Variants in TRHDE observed in about 807,000 individuals in gnomAD.
TRHDE encodes the protein thyrotropin-releasing hormone-degrading ectoenzyme.
TRHDE carries 72 observed loss-of-function variants against 125.7 expected under a neutral mutation model. That is an observed-to-expected ratio of 0.57 (90% CI 0.47 to 0.70). The LOEUF (loss-of-function observed/expected upper bound fraction) is 0.70. TRHDE is among the 30% of genes least tolerant of loss of function. The probability of loss-of-function intolerance (pLI) is 0.00; values close to 1 mark genes in which losing one functional copy is unlikely to be tolerated. For missense variants in TRHDE, 1,110 were observed against 1,327.1 expected (o/e 0.84, Z 2.54); for synonymous variants, 509 against 509.1 (o/e 1.00, Z 0.00).
intron 2 of TRHDE, among the ~76,000 whole-genome samples, chr12:72,161,473 G>A (rs1286453769): frequency 6.6e-6 from 1 of 151,964 alleles, no homozygotes; most frequent in Non-Finnish European, 1.5e-5. Flanking sequence ...TCCAAATTTG[G>A]AAGAATATCT....
chr12:72,498,620 G>T (rs1878016261), intron 5 of TRHDE, among the ~76,000 whole-genome samples: 1 of 152,116 alleles, frequency 6.6e-6, no homozygotes, highest in Non-Finnish European at 1.5e-5. Context: ...CTAGCTGCCA[G>T]CATTTCTATT....
intron 12 of TRHDE, among the ~76,000 whole-genome samples, chr12:72,595,737 G>A (rs1871911265): frequency 6.6e-6 from 1 of 152,060 alleles, no homozygotes; most frequent in South Asian, 2.1e-4. Context: ...TCTCCAAAAT[G>A]TGGATAAGAC....
intron 2 of TRHDE, among the ~76,000 whole-genome samples, chr12:72,369,749 T>C (rs1278694233): frequency 6.6e-6 from 1 of 152,080 alleles, no homozygotes; most frequent in African/African-American, 2.4e-5. Flanking sequence ...CCGGACTAAA[T>C]GTTTATAGAG....
At chr12:72,607,607 C>T (rs1872501048) in intron 12 of TRHDE, among the ~76,000 whole-genome samples, 1 of 152,000 alleles carries the variant, frequency 6.6e-6, no homozygotes. Context: ...TCCATAGTGA[C>T]CAATTATTTT....
At chr12:72,194,729 A>G (rs1877405343) in intron 2 of TRHDE, among the ~76,000 whole-genome samples, 1 of 152,152 alleles carries the variant, frequency 6.6e-6, no homozygotes, top group Admixed American at 6.6e-5. Context: ...TTATGACTAC[A>G]TAGTATTCCA....
chr12:72,284,314 G>A (rs185060956), intron 1 of TRHDE, among the ~76,000 whole-genome samples: 2 of 152,074 alleles, frequency 1.3e-5, no homozygotes, highest in East Asian at 1.9e-4. Context: ...CAGATATTTC[G>A]AAGTTAAAAG....
intron 3 of TRHDE, among the ~76,000 whole-genome samples, 179 bp from the exon 4 acceptor site, chr12:72,469,579 A>C (rs1232633734): frequency 6.6e-6 from 1 of 152,220 alleles, no homozygotes; most frequent in Non-Finnish European, 1.5e-5. Context: ...CAGCATTTGC[A>C]GTGATAGCCT....
chr12:72,532,935 A>G (rs1226601528), intron 6 of TRHDE, among the ~76,000 whole-genome samples: 3 of 150,458 alleles, frequency 2.0e-5, no homozygotes, highest in African/African-American at 4.9e-5. Flanking sequence ...TACATTGTCC[A>G]GTTTGCATAT....
chr12:72,184,611 A>G (rs1280857927), intron 2 of TRHDE, among the ~76,000 whole-genome samples: 1 of 151,956 alleles, frequency 6.6e-6, no homozygotes, highest in Non-Finnish European at 1.5e-5. Context: ...TCTTTCCTTG[A>G]TATTTTTCTG....
intron 13 of TRHDE, 99 bp downstream of exon 13, chr12:72,619,137 T>C (rs1451791809): frequency 5.2e-6 from 5 of 961,528 alleles, no homozygotes. Flanking sequence ...TATTTTAGTT[T>C]GTTCTTCTAG....
intron 3 of TRHDE, 116 bp from the exon 4 acceptor site, chr12:72,469,642 C>A: frequency 1.7e-6 from 2 of 1,165,088 alleles, no homozygotes; most frequent in East Asian, 4.8e-5. Context: ...CCAAAAAAAT[C>A]ACTAAGTAAA....
At chr12:72,354,279 G>A (rs1466369645) in intron 2 of TRHDE, among the ~76,000 whole-genome samples, 3 of 151,694 alleles carry the variant, frequency 2.0e-5, no homozygotes, top group South Asian at 4.2e-4. Context: ...AAAAAGATAT[G>A]TTTGATGAAT....
chr12:72,183,372 A>C (rs1270365862), intron 2 of TRHDE, among the ~76,000 whole-genome samples: 1 of 152,338 alleles, frequency 6.6e-6, no homozygotes, highest in African/African-American at 2.4e-5. Context: ...TGTGATAAGG[A>C]GCACTTAGTA....
intron 6 of TRHDE, among the ~76,000 whole-genome samples, chr12:72,499,844 T>C (rs1470587128): frequency 6.6e-6 from 1 of 152,188 alleles, no homozygotes. Context: ...TGCCAAATAA[T>C]GCATAGAAAT....
chr12:72,129,105 G>A (rs985143520), intron 2 of TRHDE, among the ~76,000 whole-genome samples: 2 of 152,180 alleles, frequency 1.3e-5, no homozygotes, highest in Admixed American at 1.3e-4. Flanking sequence ...TCTGAAAACA[G>A]TGTAAATCTT....
intron 2 of TRHDE, among the ~76,000 whole-genome samples, chr12:72,242,992 A>T (rs544772431): frequency 6.6e-6 from 1 of 152,330 alleles, no homozygotes; most frequent in African/African-American, 2.4e-5. Flanking sequence ...TATCACTACT[A>T]GGAGAGACAC....
In TRHDE at chr12:72,642,423, C is replaced by T. The variant is rs184276479; in HGVS notation, c.2676-9899C>T. On this transcript the variant is annotated intron_variant, in intron 15 of 18. Transcript: ENST00000261180. ...TTCAAAAGTGTTATCGTACAAAGAA[C>T]TCTGTCACAATCCTATTTAAAATGA... is the stretch of plus-strand genomic sequence containing the variant. 4.5e-3 allele frequency among the ~76,000 whole-genome samples: 685 copies of T among 152,268 alleles called. 1 individual carries two copies. Among genetic ancestry groups the T allele is most frequent in the Middle Eastern group, 0.027 (8 of 294 alleles).
At chr12:72,567,080 C>T (rs1181312365) in intron 9 of TRHDE, among the ~76,000 whole-genome samples, 1 of 151,830 alleles carries the variant, frequency 6.6e-6, no homozygotes, top group African/African-American at 2.4e-5. Context: ...TGAAATAGAT[C>T]AGTTCTTTGT....
At chr12:72,270,470 T>C (rs1366347249), upstream of TRHDE, among the ~76,000 whole-genome samples, 1 of 151,640 alleles carries the variant, frequency 6.6e-6, no homozygotes, top group Non-Finnish European at 1.5e-5. Context: ...TCTCTTCTCT[T>C]TGGTCATGCT....
Sources: allele counts gnomAD v4.1 joint callset (sites outside exome capture counted in the v4.1 genomes callset), GRCh38; gene constraint gnomAD v4.1.1; transcripts MANE v1.5; gene names NCBI Gene and HGNC (gene_info 2026-07-23, HGNC 2026-07-21).